SLC25A13: variants seen among roughly 807,000 people sequenced by gnomAD.
The protein encoded by SLC25A13 is solute carrier family 25 member 13.
A neutral mutation model predicts 85.5 loss-of-function variants in SLC25A13; 70 were observed. The observed-to-expected ratio is 0.82, with a 90% CI of 0.68 to 1.00. The LOEUF (loss-of-function observed/expected upper bound fraction) is 1.00, where lower values mean the gene tolerates loss of function less well. Among genes scored for constraint, SLC25A13 ranks in the 50% least tolerant of loss-of-function variants. SLC25A13 has a pLI of 0.00. For synonymous variants in SLC25A13, 259 were observed against 288.7 expected (o/e 0.90, Z 1.04); for missense variants, 765 against 819.8 (o/e 0.93, Z 0.82).
chr7:96,170,553 G>A (rs186423784), intron 12 of SLC25A13, among the ~76,000 whole-genome samples: 1 of 152,258 alleles, frequency 6.6e-6, no homozygotes. Flanking sequence ...AAATTTGGCT[G>A]AGCAGACTTT....
At chr7:96,159,907 CA>C (rs1793442277) in intron 13 of SLC25A13, among the ~76,000 whole-genome samples, 2 of 152,128 alleles carry the variant, frequency 1.3e-5, no homozygotes, top group African/African-American at 4.8e-5. Context: ...TATTAAGTTT[CA>C]TGTTTTCAGC....
chr7:96,321,593 G>T (rs1800344858), intron 1 of SLC25A13, among the ~76,000 whole-genome samples: 1 of 152,152 alleles, frequency 6.6e-6, no homozygotes, highest in Admixed American at 6.5e-5. Flanking sequence ...AGGTAGAGAG[G>T]ACCCCCAGCG....
chr7:96,168,098 G>GGAAAAAAAAAAAAAAAAAAAAAAAAA (rs1793836839), intron 13 of SLC25A13, among the ~76,000 whole-genome samples: 3 of 19,694 alleles, frequency 1.5e-4, no homozygotes, highest in Non-Finnish European at 3.8e-4. Flanking sequence ...AACTCTGTCT[G>GGAAAAAAAAAAAAAAAAAAAAAAAAA]AAAAAAAAAA....
chr7:96,191,397 A>G, intron 6 of SLC25A13, 150 bp from the exon 7 acceptor site: 2 of 881,814 alleles, frequency 2.3e-6, no homozygotes, highest in Non-Finnish European at 3.4e-6. Flanking sequence ...TGCATTAAAA[A>G]AAAGCTATAA....
chr7:96,200,359 C>A (rs1795208185), intron 5 of SLC25A13, among the ~76,000 whole-genome samples: 1 of 152,166 alleles, frequency 6.6e-6, no homozygotes, highest in African/African-American at 2.4e-5. Context: ...CATATCAGTA[C>A]CTGTATACTG....
chr7:96,179,191 T>G (rs1794331744), intron 11 of SLC25A13, among the ~76,000 whole-genome samples: 2 of 152,306 alleles, frequency 1.3e-5, no homozygotes, highest in East Asian at 3.9e-4. Flanking sequence ...GATCAGATAC[T>G]CCTGCAGTTT....
chr7:96,270,277 T>C (rs1362052503), intron 3 of SLC25A13, among the ~76,000 whole-genome samples: 3 of 152,296 alleles, frequency 2.0e-5, no homozygotes, highest in East Asian at 3.9e-4. Flanking sequence ...TAGCTGGGGC[T>C]GAGTGCGGTG....
At chr7:96,244,310 G>T (rs946474914) in intron 3 of SLC25A13, among the ~76,000 whole-genome samples, 4 of 152,146 alleles carry the variant, frequency 2.6e-5, no homozygotes, top group African/African-American at 9.7e-5. Context: ...CAGATGAAGA[G>T]GATGCTCCTA....
intron 3 of SLC25A13, among the ~76,000 whole-genome samples, chr7:96,273,908 G>A (rs1798340172): frequency 6.6e-6 from 1 of 152,152 alleles, no homozygotes; most frequent in Non-Finnish European, 1.5e-5. Flanking sequence ...GCTGGCATAA[G>A]TCTGTGTTTT....
Position 96,261,063 on chromosome 7 carries a change from C to T in SLC25A13, c.212+16133G>A, listed in dbSNP as rs1046251844. On this transcript the variant is annotated intron_variant, in intron 3 of 17. Transcript: ENST00000265631. Reference sequence around the variant, plus strand: ...CTTCTCAAACATGCCAAGCACCCTCCCCTCTCAGGCTCTTTGCACCTGTTA... The same window carrying T: ...CTTCTCAAACATGCCAAGCACCCTCTCCTCTCAGGCTCTTTGCACCTGTTA... Among the ~76,000 whole-genome samples, 3 of 152,108 alleles carry T rather than the reference C, an allele frequency of 2.0e-5. No homozygotes were observed. In the East Asian group the frequency reaches 5.8e-4, roughly 29 times the overall value.
Position 96,276,727 on chromosome 7 carries a change from T to C in SLC25A13, c.212+469A>G, listed in dbSNP as rs557339199. On this transcript the variant is annotated intron_variant, in intron 3 of 17. Coordinates refer to ENST00000265631, the MANE Select transcript of SLC25A13 (RefSeq NM_014251.3). The stretch of plus-strand genomic sequence containing the variant: ...GCAACGTGTCCTATTTGATTCTATA[T>C]GGTACAGTTTCTTTCCTCTAGCTTT... Among the ~76,000 whole-genome samples the C allele has an allele frequency of 5.7e-4, 87 of 152,346 alleles. No homozygotes were observed. The South Asian group carries it at 8.3e-3, about 15-fold the overall frequency.
intron 15 of SLC25A13, among the ~76,000 whole-genome samples, chr7:96,127,698 G>A (rs888229229): frequency 2.6e-5 from 4 of 152,140 alleles, no homozygotes. Context: ...TTATGTATAA[G>A]TGATCAATTT....
At chr7:96,207,972 CT>C (rs1795522852) in intron 5 of SLC25A13, among the ~76,000 whole-genome samples, 1 of 151,312 alleles carries the variant, frequency 6.6e-6, no homozygotes, top group African/African-American at 2.5e-5. Flanking sequence ...AATACCCAGG[CT>C]TCCCCCCTGC....
chr7:96,247,931 A>G (rs1224979745), intron 3 of SLC25A13, among the ~76,000 whole-genome samples: 1 of 151,724 alleles, frequency 6.6e-6, no homozygotes, highest in Admixed American at 6.6e-5. Context: ...GTTCTAGAGC[A>G]ATGTCTGCAT....
At chr7:96,217,063 C>A (rs1363991773) in intron 4 of SLC25A13, among the ~76,000 whole-genome samples, 1 of 152,054 alleles carries the variant, frequency 6.6e-6, no homozygotes, top group Non-Finnish European at 1.5e-5. Context: ...TAAAAATGGG[C>A]AAAGGATCTG....
chr7:96,225,107 C>A (rs1796284275), intron 4 of SLC25A13, among the ~76,000 whole-genome samples: 1 of 152,174 alleles, frequency 6.6e-6, no homozygotes, highest in African/African-American at 2.4e-5. Flanking sequence ...ATGATGGTTA[C>A]CTTACTTCTC....
chr7:96,297,050 AT>A, intron 1 of SLC25A13, 99 bp from the exon 2 acceptor site: 1 of 1,132,816 alleles, frequency 8.8e-7, no homozygotes, highest in Non-Finnish European at 1.3e-6. Flanking sequence ...AAATTAGTGC[AT>A]TTCATTTTTG....
At chr7:96,321,822 G>T (rs955146829) in intron 1 of SLC25A13, 120 bp downstream of exon 1, 4 of 1,291,724 alleles carry the variant, frequency 3.1e-6, no homozygotes, top group African/African-American at 1.6e-5. Context: ...TGGAACGGCT[G>T]CCCGGCACCC....
chr7:96,228,143 T>C (rs566574854), intron 4 of SLC25A13, among the ~76,000 whole-genome samples: 6 of 152,090 alleles, frequency 3.9e-5, no homozygotes, highest in Non-Finnish European at 8.8e-5. Context: ...GGATTACAGG[T>C]GGGAATCACT....
Sources: gnomAD v4.1 joint callset for allele counts (sites outside exome capture counted in the v4.1 genomes callset) on GRCh38, gnomAD v4.1.1 for gene constraint, MANE v1.5 for transcripts, NCBI Gene and HGNC (gene_info 2026-07-23, HGNC 2026-07-21) for gene names.